The following GRIK4 variants were observed in gnomAD, a reference collection of about 807,000 sequenced individuals.
The protein encoded by GRIK4 is glutamate receptor ionotropic, kainate 4.
A neutral mutation model predicts 104.9 loss-of-function variants in GRIK4; 40 were observed. The ratio of observed to expected loss-of-function variants is 0.38; its 90% CI spans 0.30 to 0.50. The LOEUF (loss-of-function observed/expected upper bound fraction) is 0.50. Among genes scored for constraint, GRIK4 ranks in the 20% least tolerant of loss-of-function variants. The pLI, the probability that GRIK4 is intolerant of heterozygous loss-of-function variation, is 0.93. For synonymous variants in GRIK4, 485 were observed against 524.9 expected (o/e 0.92, Z 1.04); for missense variants, 1,047 against 1,308.1 (o/e 0.80, Z 3.08).
At chr11:120,808,114 T>C (rs1341080209) in intron 4 of GRIK4, among the ~76,000 whole-genome samples, 1 of 152,016 alleles carries the variant, frequency 6.6e-6, no homozygotes, top group African/African-American at 2.4e-5. Flanking sequence ...ATGGGATACA[T>C]TGGGATGCAG....
intron 3 of GRIK4, among the ~76,000 whole-genome samples, chr11:120,714,232 T>C (rs1306975984): frequency 6.6e-6 from 1 of 152,208 alleles, no homozygotes; most frequent in Non-Finnish European, 1.5e-5. Context: ...TCACCCAGTC[T>C]GGAGGCTCAT....
intron 1 of GRIK4, among the ~76,000 whole-genome samples, chr11:120,538,505 C>G (rs1384697331): frequency 2.6e-5 from 4 of 152,230 alleles, no homozygotes; most frequent in South Asian, 2.1e-4. Context: ...CCTTTCCTTT[C>G]TCCGTGAGTT....
chr11:120,764,613 T>C (rs901218751), intron 3 of GRIK4, among the ~76,000 whole-genome samples: 10 of 152,182 alleles, frequency 6.6e-5, no homozygotes, highest in African/African-American at 2.4e-4. Flanking sequence ...TTTTTCCTTT[T>C]TAGTGCTTCC....
chr11:120,927,041 G>A (rs1288084787), intron 13 of GRIK4, among the ~76,000 whole-genome samples: 7 of 152,144 alleles, frequency 4.6e-5, no homozygotes, highest in Non-Finnish European at 1.0e-4. Context: ...ATGTGGAGGG[G>A]AAAGAGTAAA....
chr11:120,554,619 C>T (rs997588205), intron 1 of GRIK4, among the ~76,000 whole-genome samples: 15 of 151,582 alleles, frequency 9.9e-5, no homozygotes, highest in South Asian at 2.1e-4. Context: ...AGTTCAGTGG[C>T]GCGATCTCTG....
intron 1 of GRIK4, among the ~76,000 whole-genome samples, 182 bp downstream of exon 1, chr11:120,512,069 C>T (rs1947666596): frequency 6.7e-6 from 1 of 148,568 alleles, no homozygotes; most frequent in South Asian, 2.1e-4. Flanking sequence ...CTCCTCCCCG[C>T]TCCCGCCTCC....
intron 8 of GRIK4, among the ~76,000 whole-genome samples, chr11:120,861,675 C>A (rs1217347211): frequency 1.3e-5 from 2 of 152,260 alleles, no homozygotes; most frequent in African/African-American, 4.8e-5. Flanking sequence ...CCTAGTGCTG[C>A]CCCCACTAGG....
At chr11:120,877,358 G>A (rs1352310910) in intron 11 of GRIK4, among the ~76,000 whole-genome samples, 1 of 152,216 alleles carries the variant, frequency 6.6e-6, no homozygotes, top group Admixed American at 6.5e-5. Flanking sequence ...TGCACAGAGA[G>A]AGTGCTCATG....
chr11:120,537,444 T>C (rs1464774025), intron 1 of GRIK4, among the ~76,000 whole-genome samples: 1 of 152,198 alleles, frequency 6.6e-6, no homozygotes, highest in South Asian at 2.1e-4. Context: ...CTTCTCTTTA[T>C]TGGGCATGAA....
At chr11:120,621,388 TA>T (rs1361015585) in intron 1 of GRIK4, among the ~76,000 whole-genome samples, 1 of 152,168 alleles carries the variant, frequency 6.6e-6, no homozygotes, top group African/African-American at 2.4e-5. Flanking sequence ...GAACAGGTAA[TA>T]ATAGGATAGT....
At chr11:120,515,348 A>T (rs1947712819) in intron 1 of GRIK4, among the ~76,000 whole-genome samples, 1 of 152,066 alleles carries the variant, frequency 6.6e-6, no homozygotes, top group South Asian at 2.1e-4. Context: ...CACTGCCCTC[A>T]CCTGTAAAAT....
chr11:120,967,241 G>A lies in GRIK4; in HGVS notation c.2313G>A (p.Gln771=). The change falls in exon 19 of 21, where the codon CAG becomes CAA. Residue 771 remains glutamine (Q), a synonymous_variant. Coordinates refer to ENST00000527524, the MANE Select transcript of GRIK4 (RefSeq NM_014619.5). This position sits in a 1 kb window ranked among gnomAD's most constrained non-coding sequence, Gnocchi z 4.2. ...TTGATCTGGCCATTCTCCAGCTGCA[G>A]GAGAACAACCGCCTGGAGATCCTGA... ...DEFDLAILQL[Q]ENNRLEILKR... 3 of 1,613,904 alleles carry A rather than the reference G, an allele frequency of 1.9e-6. No individual in the cohort carries two copies. Among genetic ancestry groups the A allele is most frequent in the South Asian group, 2.2e-5 (2 of 91,044 alleles).
intron 3 of GRIK4, among the ~76,000 whole-genome samples, chr11:120,756,530 C>G (rs1031188785): frequency 2.0e-5 from 3 of 152,190 alleles, no homozygotes; most frequent in African/African-American, 7.2e-5. Flanking sequence ...AGACTTGGCT[C>G]AAAGGGCTGA....
intron 3 of GRIK4, among the ~76,000 whole-genome samples, chr11:120,741,266 G>A (rs1003340101): frequency 5.3e-5 from 8 of 150,030 alleles, no homozygotes; most frequent in Admixed American, 1.3e-4. Context: ...AGAACAGGCC[G>A]TGTGCTTTCT....
At chr11:120,742,864 T>TA (rs374720551) in intron 3 of GRIK4, among the ~76,000 whole-genome samples, 206 of 152,274 alleles carry the variant, frequency 1.4e-3, no homozygotes, top group African/African-American at 4.8e-3. Flanking sequence ...GGGATCAACC[T>TA]AAATGCCCAT....
chr11:120,900,404 G>A (rs961719419), intron 12 of GRIK4, among the ~76,000 whole-genome samples: 3 of 152,188 alleles, frequency 2.0e-5, no homozygotes, highest in Non-Finnish European at 4.4e-5. Context: ...TTTATGTGAT[G>A]ACTGTTTATT....
At chr11:120,675,368 G>A (rs1198205438) in intron 3 of GRIK4, among the ~76,000 whole-genome samples, 1 of 152,112 alleles carries the variant, frequency 6.6e-6, no homozygotes, top group East Asian at 1.9e-4. Context: ...GCCTAGTCTG[G>A]CCTGGATCCA....
chr11:120,707,856 C>T (rs1185055425), intron 3 of GRIK4, among the ~76,000 whole-genome samples: 1 of 152,162 alleles, frequency 6.6e-6, no homozygotes, highest in Non-Finnish European at 1.5e-5. Context: ...GGCCCCTCTG[C>T]ACGCTACTTG....
chr11:120,662,995 C>T (rs529658510), intron 3 of GRIK4, among the ~76,000 whole-genome samples: 1 of 152,268 alleles, frequency 6.6e-6, no homozygotes, highest in South Asian at 2.1e-4. Flanking sequence ...GTTTACCCCT[C>T]GAATGAGGTT....
Sources: gnomAD v4.1 joint callset for allele counts (sites outside exome capture counted in the v4.1 genomes callset) on GRCh38, gnomAD v4.1.1 for gene constraint, Gnocchi (gnomAD v3.1) non-coding constraint, MANE v1.5 for transcripts, NCBI Gene and HGNC (gene_info 2026-07-23, HGNC 2026-07-21) for gene names.